Variants in CLIC2 observed in about 807,000 individuals in gnomAD.
The protein encoded by CLIC2 is CLIC family member 2, also known as chloride intracellular channel protein 2.
A neutral mutation model predicts 14.8 loss-of-function variants in CLIC2; 9 were observed. The observed-to-expected ratio is 0.61, with a 90% confidence interval of 0.37 to 1.06. CLIC2 has a LOEUF of 1.06. CLIC2 is among the 50% of genes least tolerant of loss of function. The pLI, the probability that CLIC2 is intolerant of heterozygous loss-of-function variation, is 0.01. For missense variants in CLIC2, 148 were observed against 181.4 expected (o/e 0.82, Z 1.06); for synonymous variants, 61 against 66.3 (o/e 0.92, Z 0.39).
chrX:155,313,197 C>CAAAAAAAA (rs59429236), intron 1 of CLIC2, among the ~76,000 whole-genome samples: 12 of 32,674 alleles, frequency 3.7e-4, no homozygotes, highest in South Asian at 2.1e-3. Flanking sequence ...ATAAATAAGG[C>CAAAAAAAA]AAAAAAAAAA....
chrX:155,282,944 G>T (rs1183448821), intron 3 of CLIC2, among the ~76,000 whole-genome samples: 2 of 110,413 alleles, frequency 1.8e-5, no homozygotes, highest in Non-Finnish European at 3.8e-5. Context: ...CATGGGTACA[G>T]ACTCCAGGCC....
In CLIC2 at chrX:155,310,764, C is replaced by T. The variant is rs1042301292; in HGVS notation, c.58-11619G>A. Among the ~76,000 whole-genome samples the T allele has an allele frequency of 3.6e-5, 4 of 112,602 alleles. No individual in the cohort carries two copies. The Admixed American group carries it at 3.7e-4, about 11-fold the overall frequency. ...GGGCCCCACCCCGAAGCAAACTCTG[C>T]CTGGACATCCAGGTATTTCCATACA... On this transcript the variant is annotated intron_variant, in intron 1 of 5. Coordinates refer to ENST00000369449, the MANE Select transcript of CLIC2 (RefSeq NM_001289.6).
At chrX:155,284,922 A>C (rs1442973955) in intron 3 of CLIC2, among the ~76,000 whole-genome samples, 2 of 112,195 alleles carry the variant, frequency 1.8e-5, no homozygotes, top group Non-Finnish European at 1.9e-5. Flanking sequence ...TCTCACTGAA[A>C]TTTAAATTTT....
intron 1 of CLIC2, among the ~76,000 whole-genome samples, chrX:155,332,050 AAAC>A (rs1557322874): frequency 8.9e-6 from 1 of 111,745 alleles, no homozygotes; most frequent in Non-Finnish European, 1.9e-5. Flanking sequence ...ATTTAACAAC[AAAC>A]AACAAATCAT....
rs2074961038 is a variant in CLIC2, at chrX:155,290,617, T to C, written c.293+8168A>G. 12 of 826,995 alleles carry C rather than the reference T, an allele frequency of 1.5e-5. No individual in the cohort carries two copies. The Admixed American group carries it at 2.4e-4, about 17-fold the overall frequency. The allele number at this position is 826,995 out of a possible 1,213,427, so 68.2% of individuals were successfully genotyped here. A position where few individuals can be genotyped will look rare whatever the true frequency, so the allele number is the denominator to read the frequency against. On this transcript the variant is annotated intron_variant, in intron 3 of 5. Transcript: ENST00000369449. ...CATGTGTATCTGGGCATTGAATAGA[T>C]AAAAACTATGGACTCTAAATAGTCT...
chrX:155,287,170 G>A (rs919377312), intron 3 of CLIC2, among the ~76,000 whole-genome samples: 8 of 111,451 alleles, frequency 7.2e-5, no homozygotes, highest in East Asian at 5.6e-4. Flanking sequence ...AGCTTCAATC[G>A]TCTGCATAGG....
intron 3 of CLIC2, chrX:155,292,251 C>T: frequency 5.2e-6 from 3 of 571,767 alleles, no homozygotes; most frequent in Non-Finnish European, 3.2e-6. Flanking sequence ...CGAGATTTGT[C>T]TCACAAGGAG....
chrX:155,298,703 T>C, intron 3 of CLIC2, 82 bp downstream of exon 3: 7 of 1,106,162 alleles, frequency 6.3e-6, no homozygotes, highest in Non-Finnish European at 3.7e-6. Context: ...AGTACTTAAA[T>C]TGGTAAGAAT....
At chrX:155,325,761 GATATATATATATAT>G (rs60334475) in intron 1 of CLIC2, among the ~76,000 whole-genome samples, 4,440 of 32,905 alleles carry the variant, frequency 0.13, 216 homozygotes, top group Middle Eastern at 0.31. Context: ...AAGAAAATGT[GATATATATATATAT>G]ATATATATAT....
At chrX:155,297,264 C>T (rs895041530) in intron 3 of CLIC2, among the ~76,000 whole-genome samples, 5 of 110,486 alleles carry the variant, frequency 4.5e-5, no homozygotes, top group Non-Finnish European at 7.6e-5. Flanking sequence ...AAAAGTTGAT[C>T]ACATGAAGAT....
chrX:155,285,226 G>A (rs901429527), intron 3 of CLIC2, among the ~76,000 whole-genome samples: 9 of 112,486 alleles, frequency 8.0e-5, no homozygotes, highest in African/African-American at 2.9e-4. Flanking sequence ...ACAATAAAAC[G>A]TAGAAACAAT....
rs782276710 is a variant in CLIC2 at position 155,329,969 on chromosome X, T to G, written c.57+4402A>C. On this transcript the variant is annotated intron_variant, in intron 1 of 5. Coordinates refer to ENST00000369449, the MANE Select transcript of CLIC2 (RefSeq NM_001289.6). ...CAAACTTCACGTGTTCTCACTTATT[T>G]GTGAGAGCTAAGAACAAAAACATTT... Among the ~76,000 whole-genome samples, 12 of 111,244 alleles carry G rather than the reference T, an allele frequency of 1.1e-4. No homozygotes were observed. The East Asian group carries it at 3.1e-3, about 29-fold the overall frequency.
chrX:155,310,958 G>A (rs781830459), intron 1 of CLIC2, among the ~76,000 whole-genome samples: 5 of 112,091 alleles, frequency 4.5e-5, no homozygotes, highest in African/African-American at 1.6e-4. Context: ...CTGGGATGCA[G>A]GGCACCAAGT....
intron 1 of CLIC2, among the ~76,000 whole-genome samples, chrX:155,326,270 G>GA (rs2075137811): frequency 1.8e-5 from 2 of 110,999 alleles, no homozygotes; most frequent in South Asian, 3.8e-4. Context: ...AATAAAAAAG[G>GA]AAAAAAGAAA....
At chrX:155,291,061 C>T (rs1448717162) in intron 3 of CLIC2, 14 of 796,487 alleles carry the variant, frequency 1.8e-5, no homozygotes, top group Non-Finnish European at 2.7e-5. Flanking sequence ...TCCAGAGTTG[C>T]TCTTGTTGCT....
intron 3 of CLIC2, among the ~76,000 whole-genome samples, chrX:155,297,686 C>CAA (rs1325026248): frequency 2.1e-4 from 11 of 52,159 alleles, no homozygotes; most frequent in African/African-American, 4.6e-4. Context: ...ACTAAAATTA[C>CAA]AAAAAAAAAA....
intron 1 of CLIC2, among the ~76,000 whole-genome samples, chrX:155,315,111 A>G (rs1357332603): frequency 8.9e-6 from 1 of 112,289 alleles, no homozygotes; most frequent in Non-Finnish European, 1.9e-5. Flanking sequence ...GCTTGGAACT[A>G]TGTTAAACAC....
chrX:155,319,113 G>A (rs2075104540), intron 1 of CLIC2, among the ~76,000 whole-genome samples: 1 of 111,988 alleles, frequency 8.9e-6, no homozygotes, highest in African/African-American at 3.2e-5. Flanking sequence ...AATTCTAGAA[G>A]AAAACATTGG....
intron 1 of CLIC2, among the ~76,000 whole-genome samples, chrX:155,333,084 G>A (rs2075162358): frequency 8.9e-6 from 1 of 111,975 alleles, no homozygotes; most frequent in Non-Finnish European, 1.9e-5. Flanking sequence ...GAATTCAAGG[G>A]TCTTTCTCTT....
Sources: gnomAD v4.1 joint callset for allele counts (sites outside exome capture counted in the v4.1 genomes callset) on GRCh38, gnomAD v4.1.1 for gene constraint, MANE v1.5 for transcripts, NCBI Gene and HGNC (gene_info 2026-07-23, HGNC 2026-07-21) for gene names.